The following MTMR14 variants were observed in gnomAD, a reference collection of about 807,000 sequenced individuals.
MTMR14 encodes phosphatidylinositol-3,5-bisphosphate 3-phosphatase MTMR14.
Under a neutral mutation model 86.3 loss-of-function variants are expected in MTMR14, and 48 were observed. That is an observed-to-expected ratio of 0.56 (90% CI 0.44 to 0.71). The LOEUF (loss-of-function observed/expected upper bound fraction) is 0.71, where lower values mean the gene tolerates loss of function less well. Among genes scored for constraint, MTMR14 ranks in the 30% least tolerant of loss-of-function variants. The pLI, the probability that MTMR14 is intolerant of heterozygous loss-of-function variation, is 0.00. For synonymous variants in MTMR14, 366 were observed against 326.1 expected, an observed-to-expected ratio of 1.12 and a Z score of -1.32; for missense variants, 780 against 834.6, an observed-to-expected ratio of 0.93 and a Z score of 0.81.
intron 9 of MTMR14, among the ~76,000 whole-genome samples, chr3:9,682,635 C>T (rs1456154393): frequency 6.6e-6 from 1 of 152,170 alleles, no homozygotes; most frequent in Non-Finnish European, 1.5e-5. Flanking sequence ...CAGACAGACT[C>T]CATTTATTAT....
intron 3 of MTMR14, among the ~76,000 whole-genome samples, chr3:9,665,498 G>T (rs1430356598): frequency 1.3e-5 from 2 of 152,000 alleles, no homozygotes; most frequent in Non-Finnish European, 2.9e-5. Context: ...GGAGGAGGAG[G>T]CAAGGGTTGA....
At position 9,685,227 on chromosome 3, in the gene MTMR14, C is replaced by T. The variant is rs757251437; in HGVS notation, c.1144C>T (p.Arg382Trp). 74 of 1,613,958 alleles carry T rather than the reference C, an allele frequency of 4.6e-5. No individual in the cohort carries two copies. Among genetic ancestry groups the T allele is most frequent in the Non-Finnish European group, 5.3e-5 (63 of 1,180,006 alleles). ...TTTTTTCAGGCACATGTTGGTAGAT[C>T]GGCTCAGCAAAGGGGAGGAGGTGAG... ...WFLFGHMLVD[R>W]LSKGEEIFFF... Residue 382 changes from arginine (R) to tryptophan (W), a missense_variant, in exon 13 of 19, where the codon CGG (arginine) becomes TGG (tryptophan). By Grantham distance (101) the Arg-to-Trp change is moderately radical. Transcript: ENST00000296003.
At position 9,671,152 on chromosome 3, in the gene MTMR14, A is replaced by C; in HGVS notation, c.659A>C (p.Lys220Thr). ...TGTGACCTGATGGTGGAGAACAAGA[A>C]GGTGAAGTTTGGCATGAAGTAAGTA... is the stretch of plus-strand genomic sequence containing the variant. The part of the protein sequence containing the change: ...YICDLMVENK[K>T]VKFGMNVTSS... The change falls in exon 6 of 19, where the codon AAG becomes ACG. Residue 220 changes from lysine to threonine, a missense_variant. Transcript: ENST00000296003. 1.2e-6 allele frequency: 2 copies of C among 1,614,244 alleles called. No individual in the cohort carries two copies. The highest frequency in any genetic ancestry group is 2.2e-5 in the South Asian group (2 of 91,086).
rs758988492 is a variant in MTMR14 at position 9,683,259 on chromosome 3, T to A, written c.964+15T>A. ...TAACAGTGATGGTGAGTCTGTCTCC[T>A]CCAGAGCCCTCGAGCCACTGCACCC... On this transcript the variant is annotated intron_variant, in intron 10 of 18. Coordinates refer to ENST00000296003, the MANE Select transcript of MTMR14 (RefSeq NM_001077525.3). 1 of 1,613,392 alleles carries A rather than the reference T, an allele frequency of 6.2e-7. No individual in the cohort carries two copies. Among genetic ancestry groups the A allele is most frequent in the Non-Finnish European group, 8.5e-7 (1 of 1,179,404 alleles).
chr3:9,682,950 G>GCCCCCA (rs2075818745), intron 9 of MTMR14, among the ~76,000 whole-genome samples: 5 of 103,100 alleles, frequency 4.8e-5, no homozygotes, highest in African/African-American at 1.7e-4. Flanking sequence ...CCCCGCCCCC[G>GCCCCCA]CCCCCCGAGT....
intron 3 of MTMR14, among the ~76,000 whole-genome samples, chr3:9,664,565 C>T (rs1035641041): frequency 2.0e-5 from 3 of 152,002 alleles, no homozygotes; most frequent in Non-Finnish European, 4.4e-5. Context: ...TACCATTCAG[C>T]CATGAAAAAT....
At chr3:9,668,086 T>C (rs1240647827) in intron 3 of MTMR14, among the ~76,000 whole-genome samples, 1 of 152,204 alleles carries the variant, frequency 6.6e-6, no homozygotes, top group Non-Finnish European at 1.5e-5. Flanking sequence ...CAATTAGATA[T>C]TGAGGTTTGT....
chr3:9,688,962 G>C lies in MTMR14; in HGVS notation c.1313G>C (p.Ser438Thr), dbSNP rs1462518741. ...ICMLRRKDRG[S>T]TTSLGSDFSL... is the part of the protein sequence containing the mutation. ...CTTTTAGGACGAAAGGACCGTGGCA[G>C]CACCACCAGCCTTGGCAGCGACTTC... Residue 438 changes from serine to threonine, a missense_variant, in exon 16 of 19, where the codon AGC (serine) becomes ACC (threonine). Physicochemically the swap from Ser to Thr is moderately conservative, Grantham distance 58 (BLOSUM62 1). Transcript: ENST00000296003. The C allele has an allele frequency of 3.1e-6, 5 of 1,613,898 alleles. No homozygotes were observed. The highest frequency in any genetic ancestry group is 1.7e-5 in the Admixed American group (1 of 59,992).
intron 17 of MTMR14, among the ~76,000 whole-genome samples, chr3:9,694,762 G>A (rs1003781736): frequency 6.6e-6 from 1 of 152,166 alleles, no homozygotes; most frequent in African/African-American, 2.4e-5. Context: ...GAGTATTCTT[G>A]TACCCCCTTC....
At chr3:9,694,843 G>A (rs141362943) in intron 17 of MTMR14, among the ~76,000 whole-genome samples, 47 of 152,314 alleles carry the variant, frequency 3.1e-4, no homozygotes, top group South Asian at 1.0e-3. Context: ...GTTGGGAGCC[G>A]GTAGGAACTG....
intron 7 of MTMR14, among the ~76,000 whole-genome samples, chr3:9,675,932 T>C (rs2075555516): frequency 6.6e-6 from 1 of 152,198 alleles, no homozygotes; most frequent in African/African-American, 2.4e-5. Context: ...AAGAATAGGC[T>C]AAAGTGTTAT....
At chr3:9,688,887 G>T in intron 15 of MTMR14, 57 bp from the exon 16 acceptor site, 3 of 1,612,014 alleles carry the variant, frequency 1.9e-6, no homozygotes, top group Non-Finnish European at 2.5e-6. Flanking sequence ...TAGAAAAGGT[G>T]GGGGACCAGT....
At chr3:9,662,117 G>A (rs1397168902) in intron 2 of MTMR14, 150 bp from the exon 3 acceptor site, 5 of 678,100 alleles carry the variant, frequency 7.4e-6, no homozygotes, top group African/African-American at 3.6e-5. Context: ...ACAGACAGAT[G>A]ATAGATGATA....
At chr3:9,678,438 A>G (rs902057553) in intron 9 of MTMR14, among the ~76,000 whole-genome samples, 1 of 152,196 alleles carries the variant, frequency 6.6e-6, no homozygotes, top group Non-Finnish European at 1.5e-5. Flanking sequence ...ATTTGATTAT[A>G]GAAACATTAA....
Position 9,684,929 on chromosome 3 carries a change from C to G in MTMR14, c.1092C>G (p.Leu364=), listed in dbSNP as rs2075888745. The G allele has an allele frequency of 6.2e-7, 1 of 1,614,212 alleles. No individual in the cohort carries two copies. The highest frequency in any genetic ancestry group is 8.5e-7 in the Non-Finnish European group (1 of 1,180,036). ...CGTCCCTGAAGCCCACTGAGATCCT[C>G]TACCTCACTGTGGCCTATGACTGGT... ...IHTSLKPTEI[L]YLTVAYDWFL... Residue 364 remains leucine, a synonymous_variant, in exon 12 of 19, where the codon CTC becomes CTG. Transcript: ENST00000296003.
At chr3:9,690,879 A>G (rs929741450) in intron 17 of MTMR14, among the ~76,000 whole-genome samples, 23 of 152,316 alleles carry the variant, frequency 1.5e-4, no homozygotes, top group Admixed American at 3.3e-4. Flanking sequence ...AATTCCAGGG[A>G]AAAAGGGGCA....
At chr3:9,685,576 C>G (rs1170831609) in intron 13 of MTMR14, among the ~76,000 whole-genome samples, 1 of 152,176 alleles carries the variant, frequency 6.6e-6, no homozygotes, top group Non-Finnish European at 1.5e-5. Flanking sequence ...TCCTCTAAGG[C>G]CTTTCTGTGC....
intron 10 of MTMR14, 22 bp downstream of exon 10, chr3:9,683,266 C>T (rs749007727): frequency 1.2e-6 from 2 of 1,611,358 alleles, no homozygotes; most frequent in Non-Finnish European, 1.7e-6. Flanking sequence ...TCCTCCAGAG[C>T]CCTCGAGCCA....
In MTMR14 at chr3:9,701,716, G is replaced by A; in HGVS notation, c.1770-74G>A. ...AAGAAGCACAAGGACAGGTGGTATGGAGGGAGGGAGGATGAGGATACTGGG... is the reference window on the plus strand; with the variant it reads ...AAGAAGCACAAGGACAGGTGGTATGAAGGGAGGGAGGATGAGGATACTGGG... On this transcript the variant is annotated intron_variant, in intron 18 of 18. Transcript: ENST00000296003. This position sits in a 1 kb window ranked among gnomAD's most constrained non-coding sequence, Gnocchi z 4.2. 1 of 74,324 alleles carries A rather than the reference G, an allele frequency of 1.3e-5. No homozygotes were observed. The highest frequency in any genetic ancestry group is 1.6e-5 in the Non-Finnish European group (1 of 62,264). The allele number at this position is 74,324 out of a possible 1,614,324, so 4.6% of individuals were successfully genotyped here. A position where few individuals can be genotyped will look rare whatever the true frequency, so the allele number is the denominator to read the frequency against.
Sources: allele counts gnomAD v4.1 joint callset (sites outside exome capture counted in the v4.1 genomes callset), GRCh38; gene constraint gnomAD v4.1.1; non-coding constraint Gnocchi (gnomAD v3.1); transcripts MANE v1.5; gene names NCBI Gene and HGNC (gene_info 2026-07-23, HGNC 2026-07-21).